EDIL3: variants seen among roughly 807,000 people sequenced by gnomAD.
The protein encoded by EDIL3 is EGF like and discoidin domains 3, also known as EGF-like repeat and discoidin I-like domain-containing protein 3.
In EDIL3, 37 loss-of-function variants were observed where a neutral mutation model predicts 67.4. The observed-to-expected ratio is 0.55, with a 90% CI of 0.42 to 0.72. EDIL3 has a LOEUF of 0.72. Among genes scored for constraint, EDIL3 ranks in the 30% least tolerant of loss-of-function variants. The pLI, the probability that EDIL3 is intolerant of heterozygous loss-of-function variation, is 0.00. For synonymous variants in EDIL3, 195 were observed against 196.3 expected, an observed-to-expected ratio of 0.99 and a Z score of 0.05; for missense variants, 527 against 586.3, an observed-to-expected ratio of 0.90 and a Z score of 1.04.
chr5:84,129,043 T>A (rs1328897868), intron 5 of EDIL3, among the ~76,000 whole-genome samples: 1 of 152,172 alleles, frequency 6.6e-6, no homozygotes, highest in African/African-American at 2.4e-5. Flanking sequence ...TACTTGTTTG[T>A]CTTTCCTTTA....
chr5:84,130,703 T>C (rs1050848664), intron 5 of EDIL3, among the ~76,000 whole-genome samples: 6 of 152,182 alleles, frequency 3.9e-5, no homozygotes, highest in African/African-American at 1.4e-4. Context: ...TCTGCTCTTG[T>C]AATTCACTAA....
At chr5:84,382,036 A>T (rs1422600904) in intron 1 of EDIL3, among the ~76,000 whole-genome samples, 1 of 152,170 alleles carries the variant, frequency 6.6e-6, no homozygotes, top group Admixed American at 6.6e-5. Context: ...CCGGAAGTTT[A>T]ATTGTTTGGA....
chr5:83,998,594 T>C (rs941852523), intron 9 of EDIL3, among the ~76,000 whole-genome samples: 4 of 152,184 alleles, frequency 2.6e-5, no homozygotes, highest in African/African-American at 9.6e-5. Flanking sequence ...GCAATGTGGA[T>C]ACCTGCTCAG....
intron 1 of EDIL3, among the ~76,000 whole-genome samples, chr5:84,262,118 A>G (rs1745233762): frequency 6.6e-6 from 1 of 152,186 alleles, no homozygotes; most frequent in South Asian, 2.1e-4. Context: ...AGTTTCTAGA[A>G]TTGAAAAGGA....
intron 9 of EDIL3, among the ~76,000 whole-genome samples, chr5:84,060,057 A>T (rs967665350): frequency 6.6e-6 from 1 of 152,202 alleles, no homozygotes; most frequent in African/African-American, 2.4e-5. Context: ...ACATACACAT[A>T]GTGTGATCTG....
At chr5:84,334,322 C>G (rs954495305) in intron 1 of EDIL3, among the ~76,000 whole-genome samples, 3 of 152,044 alleles carry the variant, frequency 2.0e-5, no homozygotes, top group South Asian at 2.1e-4. Context: ...CCTCGGCCCC[C>G]CAAAGTGGTG....
At chr5:84,138,965 C>T (rs909704197) in intron 4 of EDIL3, among the ~76,000 whole-genome samples, 12 of 152,154 alleles carry the variant, frequency 7.9e-5, no homozygotes, top group African/African-American at 1.9e-4. Context: ...CTCAGCCGGG[C>T]GTGGTGGCTC....
chr5:84,384,184 G>T, intron 1 of EDIL3, 124 bp downstream of exon 1: 1 of 1,242,068 alleles, frequency 8.1e-7, no homozygotes, highest in East Asian at 2.5e-5. Flanking sequence ...CGCCTCCTCC[G>T]CGCCGCCAGC....
chr5:84,384,158 G>A, intron 1 of EDIL3, 150 bp downstream of exon 1: 2 of 924,656 alleles, frequency 2.2e-6, no homozygotes, highest in Non-Finnish European at 3.2e-6. Flanking sequence ...ACTTTCTCGG[G>A]GCACCCAGGA....
intron 1 of EDIL3, among the ~76,000 whole-genome samples, chr5:84,269,109 A>G (rs1745410598): frequency 6.6e-6 from 1 of 152,154 alleles, no homozygotes; most frequent in African/African-American, 2.4e-5. Context: ...AAATTTATAT[A>G]TGATCTCTTT....
At chr5:84,264,876 G>A (rs976720040) in intron 1 of EDIL3, among the ~76,000 whole-genome samples, 1 of 152,152 alleles carries the variant, frequency 6.6e-6, no homozygotes, top group Non-Finnish European at 1.5e-5. Flanking sequence ...ATGAAATTCA[G>A]TGCCACGTCC....
intron 9 of EDIL3, among the ~76,000 whole-genome samples, chr5:84,047,421 G>C (rs1186501332): frequency 6.6e-6 from 1 of 152,016 alleles, no homozygotes; most frequent in African/African-American, 2.4e-5. Context: ...AAAGGTAGGG[G>C]CAATATTTTG....
chr5:84,122,426 T>G (rs551059291), intron 5 of EDIL3, among the ~76,000 whole-genome samples: 1 of 152,150 alleles, frequency 6.6e-6, no homozygotes, highest in East Asian at 1.9e-4. Context: ...GTTTGTTACA[T>G]ATGTATACAT....
At position 84,384,405 on chromosome 5, in the gene EDIL3, G is replaced by T; in HGVS notation, c.-31C>A. The T allele has an allele frequency of 1.2e-6, 2 of 1,611,384 alleles. No homozygotes were observed. Among genetic ancestry groups the T allele is most frequent in the Non-Finnish European group, 8.5e-7 (1 of 1,178,720 alleles). On this transcript the variant is annotated 5_prime_UTR_variant, in exon 1 of 11. Coordinates refer to ENST00000296591, the MANE Select transcript of EDIL3 (RefSeq NM_005711.5). ...CGTCTCCCGGACGTGACCCCGGCTGGTCAGGGGTCGTCGCGGAGGGCAGTG... is the reference window on the plus strand; with the variant it reads ...CGTCTCCCGGACGTGACCCCGGCTGTTCAGGGGTCGTCGCGGAGGGCAGTG...
At position 84,251,354 on chromosome 5, in the gene EDIL3, G is replaced by A. The variant is rs1204229865; in HGVS notation, c.196+2730C>T. Among the ~76,000 whole-genome samples the A allele has an allele frequency of 4.6e-5, 7 of 151,088 alleles. No individual in the cohort carries two copies. In the East Asian group the frequency reaches 5.8e-4, roughly 13 times the overall value. On this transcript the variant is annotated intron_variant, in intron 2 of 10. Coordinates refer to ENST00000296591, the MANE Select transcript of EDIL3 (RefSeq NM_005711.5). ...TCTCAAACTCCTGACTTCGTGATCC[G>A]CCCACCTCGGCCTTCCAAAGTGCTG... is the stretch of plus-strand genomic sequence containing the variant.
chr5:84,158,934 A>T (rs1748541095), intron 4 of EDIL3, among the ~76,000 whole-genome samples: 1 of 152,040 alleles, frequency 6.6e-6, no homozygotes, highest in Non-Finnish European at 1.5e-5. Flanking sequence ...TCCTCCAAAT[A>T]TCTAGTCATT....
intron 4 of EDIL3, among the ~76,000 whole-genome samples, chr5:84,148,533 T>C (rs943014393): frequency 6.6e-6 from 1 of 152,160 alleles, no homozygotes; most frequent in Non-Finnish European, 1.5e-5. Flanking sequence ...ATCTGTAGCT[T>C]AAAGACTTAA....
intron 4 of EDIL3, among the ~76,000 whole-genome samples, chr5:84,164,667 T>C (rs1292187756): frequency 1.3e-5 from 2 of 152,060 alleles, no homozygotes; most frequent in Admixed American, 6.6e-5. Context: ...CACTCACTTA[T>C]TTATAAATTC....
chr5:84,053,400 T>A (rs1746378504), intron 9 of EDIL3, among the ~76,000 whole-genome samples: 1 of 151,854 alleles, frequency 6.6e-6, no homozygotes, highest in African/African-American at 2.4e-5. Context: ...ATAAAAGAAC[T>A]AGAAAAGCAA....
Sources: gnomAD v4.1 joint callset for allele counts (sites outside exome capture counted in the v4.1 genomes callset) on GRCh38, gnomAD v4.1.1 for gene constraint, MANE v1.5 for transcripts, NCBI Gene and HGNC (gene_info 2026-07-23, HGNC 2026-07-21) for gene names.